PRELID2: variants seen among roughly 807,000 people sequenced by gnomAD.
PRELID2 encodes PRELI domain-containing protein 2.
In PRELID2, 25 loss-of-function variants were observed where a neutral mutation model predicts 28.4. The ratio of observed to expected loss-of-function variants is 0.88; its 90% CI spans 0.64 to 1.23. The LOEUF (loss-of-function observed/expected upper bound fraction) is 1.23, where lower values mean the gene tolerates loss of function less well. Ranked by LOEUF, PRELID2 falls within the 50% of genes most tolerant of loss-of-function variation. The pLI, the probability that PRELID2 is intolerant of heterozygous loss-of-function variation, is 0.00. For synonymous variants in PRELID2, 76 were observed against 71.6 expected, an observed-to-expected ratio of 1.06 and a Z score of -0.31; for missense variants, 201 against 214.4, an observed-to-expected ratio of 0.94 and a Z score of 0.39.
chr5:145,596,952 C>G (rs1043499597), intron 1 of PRELID2, among the ~76,000 whole-genome samples: 1 of 152,092 alleles, frequency 6.6e-6, no homozygotes, highest in Admixed American at 6.5e-5. Flanking sequence ...TGTCACTGTT[C>G]CATAGTCCAT....
chr5:145,656,646 G>A (rs569175636), intron 1 of PRELID2, among the ~76,000 whole-genome samples: 30 of 150,516 alleles, frequency 2.0e-4, no homozygotes, highest in African/African-American at 4.9e-4. Context: ...GCAAACTATC[G>A]CAAGGACAAA....
At chr5:145,485,482 T>C (rs941626558) in intron 1 of PRELID2, among the ~76,000 whole-genome samples, 1 of 152,224 alleles carries the variant, frequency 6.6e-6, no homozygotes, top group Non-Finnish European at 1.5e-5. Flanking sequence ...TGAGTGCATG[T>C]ATGTAGAGCG....
At chr5:145,336,081 G>A in the PRELID2 span, among the ~76,000 whole-genome samples, 7 of 152,228 alleles carry the variant, frequency 4.6e-5, no homozygotes, top group Admixed American at 4.6e-4. Flanking sequence ...CTTTTGAGAA[G>A]TGTCTGTTCA....
the PRELID2 span, among the ~76,000 whole-genome samples, chr5:145,464,737 A>G: frequency 2.6e-5 from 4 of 152,032 alleles, no homozygotes; most frequent in Admixed American, 2.6e-4. Flanking sequence ...CAATTGATGT[A>G]TCAAATTGGC....
chr5:145,273,333 G>C, the PRELID2 span, among the ~76,000 whole-genome samples: 1 of 151,888 alleles, frequency 6.6e-6, no homozygotes, highest in African/African-American at 2.4e-5. Flanking sequence ...CCTGCTTTTC[G>C]GGTCTTAAGC....
the PRELID2 span, among the ~76,000 whole-genome samples, chr5:145,417,811 G>T: frequency 6.6e-6 from 1 of 152,156 alleles, no homozygotes; most frequent in Admixed American, 6.5e-5. Flanking sequence ...GCAAAAGCTG[G>T]AGGCATTCCT....
At chr5:145,700,372 C>T (rs766686170) in intron 1 of PRELID2, among the ~76,000 whole-genome samples, 3 of 152,122 alleles carry the variant, frequency 2.0e-5, no homozygotes, top group East Asian at 1.9e-4. Flanking sequence ...AACTTACTTT[C>T]CTAAATCCCT....
chr5:145,831,992 T>C (rs1448158486), intron 1 of PRELID2, among the ~76,000 whole-genome samples: 1 of 152,126 alleles, frequency 6.6e-6, no homozygotes, highest in Non-Finnish European at 1.5e-5. Context: ...CTGTCATTGG[T>C]TTAAGTCGCT....
intron 1 of PRELID2, among the ~76,000 whole-genome samples, chr5:145,577,805 C>T (rs1399810496): frequency 2.0e-5 from 3 of 152,116 alleles, no homozygotes; most frequent in Non-Finnish European, 2.9e-5. Context: ...ATTTCTTTAA[C>T]ATCTGTCTTC....
At chr5:145,301,934 T>C in the PRELID2 span, among the ~76,000 whole-genome samples, 29 of 144,048 alleles carry the variant, frequency 2.0e-4, no homozygotes, top group African/African-American at 7.3e-4. Flanking sequence ...TCATTTCTTT[T>C]TTTTTTTTTT....
intron 5 of PRELID2, among the ~76,000 whole-genome samples, chr5:145,774,536 A>G (rs1277793207): frequency 2.0e-5 from 3 of 152,338 alleles, no homozygotes; most frequent in Non-Finnish European, 2.9e-5. Flanking sequence ...TATGGACTCT[A>G]TCTGACTAGG....
the PRELID2 span, among the ~76,000 whole-genome samples, chr5:145,422,311 G>C: frequency 3.7e-4 from 56 of 151,826 alleles, 1 homozygote; most frequent in Middle Eastern, 3.4e-3. Flanking sequence ...TCTCGTTGAT[G>C]TGTCTAATGT....
intron 1 of PRELID2, among the ~76,000 whole-genome samples, chr5:145,632,069 A>C (rs1436289724): frequency 6.6e-6 from 1 of 152,204 alleles, no homozygotes; most frequent in Non-Finnish European, 1.5e-5. Context: ...TAACCCCTTA[A>C]GGCCTACCTA....
At chr5:145,785,092 T>C (rs959158570) in intron 5 of PRELID2, among the ~76,000 whole-genome samples, 1 of 152,216 alleles carries the variant, frequency 6.6e-6, no homozygotes, top group African/African-American at 2.4e-5. Context: ...TAGCAGAGAA[T>C]GTCTCTTAAA....
At chr5:145,415,259 T>TGTTTTG in the PRELID2 span, among the ~76,000 whole-genome samples, 4 of 152,060 alleles carry the variant, frequency 2.6e-5, no homozygotes, top group South Asian at 8.3e-4. Context: ...TGTTTTGTTT[T>TGTTTTG]TTATTTTATT....
chr5:145,252,959 T>C, the PRELID2 span, among the ~76,000 whole-genome samples: 1 of 152,166 alleles, frequency 6.6e-6, no homozygotes, highest in Non-Finnish European at 1.5e-5. Flanking sequence ...AAAACATTTT[T>C]TGAGGAATAA....
chr5:145,742,184 A>G (rs1239165621), intron 1 of PRELID2, among the ~76,000 whole-genome samples: 1 of 59,432 alleles, frequency 1.7e-5, no homozygotes, highest in Non-Finnish European at 3.4e-5. Flanking sequence ...TTATAAATTT[A>G]TATATAAATA....
At chr5:145,299,644 C>CGTGTGTGTGTGTGT in the PRELID2 span, among the ~76,000 whole-genome samples, 521 of 109,406 alleles carry the variant, frequency 4.8e-3, 7 homozygotes, top group African/African-American at 0.013. Context: ...TATGTGTGTG[C>CGTGTGTGTGTGTGT]GTGTGTGTGT....
chr5:145,523,182 T>C (rs948740874), intron 1 of PRELID2, among the ~76,000 whole-genome samples: 2 of 152,336 alleles, frequency 1.3e-5, no homozygotes, highest in African/African-American at 4.8e-5. Context: ...AGAAAGTGGT[T>C]CTTTTTAGAT....
Sources: allele counts gnomAD v4.1 joint callset (sites outside exome capture counted in the v4.1 genomes callset), GRCh38; gene constraint gnomAD v4.1.1; transcripts MANE v1.5; gene names NCBI Gene and HGNC (gene_info 2026-07-23, HGNC 2026-07-21).